Variants in CSMD2 observed in about 807,000 individuals in gnomAD.
CSMD2 encodes CUB and sushi domain-containing protein 2.
Under a neutral mutation model 398.5 loss-of-function variants are expected in CSMD2, and 130 were observed. The ratio of observed to expected loss-of-function variants is 0.33; its 90% CI spans 0.28 to 0.38. The LOEUF (loss-of-function observed/expected upper bound fraction) is 0.38, where lower values mean the gene tolerates loss of function less well. CSMD2 is among the 10% of genes least tolerant of loss of function. The probability of loss-of-function intolerance (pLI) is 1.00; values close to 1 mark genes in which losing one functional copy is unlikely to be tolerated. For synonymous variants in CSMD2, 1,828 were observed against 1,908.5 expected, an observed-to-expected ratio of 0.96 and a Z score of 1.10; for missense variants, 3,829 against 4,764.9, an observed-to-expected ratio of 0.80 and a Z score of 5.78.
intron 1 of CSMD2, among the ~76,000 whole-genome samples, chr1:34,138,305 A>C (rs1253624447): frequency 1.3e-5 from 2 of 152,218 alleles, no homozygotes; most frequent in African/African-American, 4.8e-5. Flanking sequence ...TTTGAATGAC[A>C]GATGTTTACC....
intron 4 of CSMD2, among the ~76,000 whole-genome samples, chr1:33,934,934 T>C (rs912331085): frequency 2.9e-5 from 4 of 140,164 alleles, no homozygotes; most frequent in African/African-American, 1.1e-4. Flanking sequence ...ATCCCAGGAG[T>C]TTGAGGCTGC....
intron 25 of CSMD2, among the ~76,000 whole-genome samples, chr1:33,687,196 T>A (rs1241738580): frequency 6.6e-6 from 1 of 152,036 alleles, no homozygotes; most frequent in East Asian, 1.9e-4. Context: ...ACATAAAGAA[T>A]CCAGCTGAAT....
At chr1:34,087,617 TAATA>T (rs1658040550) in intron 2 of CSMD2, among the ~76,000 whole-genome samples, 3 of 93,786 alleles carry the variant, frequency 3.2e-5, no homozygotes, top group Admixed American at 3.2e-4. Context: ...TAAAGTATAA[TAATA>T]ATAATAATAA....
At chr1:33,912,009 A>T (rs1643473381) in intron 5 of CSMD2, among the ~76,000 whole-genome samples, 1 of 152,164 alleles carries the variant, frequency 6.6e-6, no homozygotes, top group Non-Finnish European at 1.5e-5. Context: ...AATGGTATGC[A>T]TCCTTCTCGA....
At chr1:33,775,136 A>T (rs543544856) in intron 12 of CSMD2, among the ~76,000 whole-genome samples, 19 of 152,348 alleles carry the variant, frequency 1.2e-4, no homozygotes, top group African/African-American at 4.6e-4. Flanking sequence ...CTCAGTTATC[A>T]TGACAAATAA....
In CSMD2 at chr1:33,555,303, A is replaced by G. The variant is rs569381916; in HGVS notation, c.8743+2431T>C. On this transcript the variant is annotated intron_variant, in intron 55 of 70. Coordinates refer to ENST00000373381, the MANE Select transcript of CSMD2 (RefSeq NM_001281956.2). ...CTGAATTACTGAAATCTCATGACCA[A>G]TCTCAAACAGATGAGAAGCTGCTTC... Among the ~76,000 whole-genome samples the G allele has an allele frequency of 2.0e-5, 3 of 152,342 alleles. No individual in the cohort carries two copies. The East Asian group carries it at 5.8e-4, about 29-fold the overall frequency.
chr1:34,146,149 T>C (rs185125289), intron 1 of CSMD2, among the ~76,000 whole-genome samples: 21 of 152,146 alleles, frequency 1.4e-4, no homozygotes, highest in Non-Finnish European at 2.9e-4. Context: ...ATCTCCCACC[T>C]CAGCCTCCCG....
chr1:33,627,871 G>C (rs16835689), intron 32 of CSMD2, among the ~76,000 whole-genome samples: 1 of 152,232 alleles, frequency 6.6e-6, no homozygotes, highest in African/African-American at 2.4e-5. Flanking sequence ...TGTGGATAAC[G>C]ACCCTAGTGA....
chr1:34,034,494 T>C (rs1484531292), intron 2 of CSMD2, among the ~76,000 whole-genome samples: 1 of 152,156 alleles, frequency 6.6e-6, no homozygotes, highest in Non-Finnish European at 1.5e-5. Context: ...ACAGAGACTA[T>C]CTGCTTTAGA....
At chr1:33,815,904 AAGAAG>A (rs1382913842) in intron 9 of CSMD2, among the ~76,000 whole-genome samples, 2 of 152,186 alleles carry the variant, frequency 1.3e-5, no homozygotes, top group African/African-American at 2.4e-5. Flanking sequence ...GAAGAGAGGA[AAGAAG>A]AGAAGAGATC....
chr1:33,768,520 C>T (rs1029800944), intron 13 of CSMD2, among the ~76,000 whole-genome samples: 13 of 147,956 alleles, frequency 8.8e-5, no homozygotes, highest in Non-Finnish European at 8.9e-5. Flanking sequence ...CAATTCATCC[C>T]GGAATGTGTG....
At chr1:34,079,781 G>A (rs1245770771) in intron 2 of CSMD2, among the ~76,000 whole-genome samples, 2 of 151,954 alleles carry the variant, frequency 1.3e-5, no homozygotes, top group Non-Finnish European at 2.9e-5. Context: ...AGCACTAATA[G>A]AATAAAAATC....
chr1:33,613,400 G>C (rs1028008613), intron 40 of CSMD2, among the ~76,000 whole-genome samples: 3 of 152,176 alleles, frequency 2.0e-5, no homozygotes, highest in Non-Finnish European at 4.4e-5. Context: ...ATGTCTCAAA[G>C]TCTGGAGTCT....
chr1:33,896,713 C>A (rs1642408681), intron 5 of CSMD2, among the ~76,000 whole-genome samples: 2 of 152,092 alleles, frequency 1.3e-5, no homozygotes, highest in South Asian at 4.1e-4. Flanking sequence ...TGAGAAGGAG[C>A]AAACATGGGC....
intron 1 of CSMD2, among the ~76,000 whole-genome samples, chr1:34,150,182 A>G (rs989273116): frequency 4.0e-5 from 6 of 151,452 alleles, no homozygotes; most frequent in Non-Finnish European, 7.4e-5. Flanking sequence ...CCTGGGCTCA[A>G]GCAATCCTCT....
intron 3 of CSMD2, among the ~76,000 whole-genome samples, chr1:33,979,374 T>C (rs1388872590): frequency 7.2e-6 from 1 of 139,500 alleles, no homozygotes; most frequent in African/African-American, 2.4e-5. Context: ...TTTGAATTAA[T>C]GGGACAGAGA....
chr1:34,113,675 T>C (rs1418109605), intron 1 of CSMD2, among the ~76,000 whole-genome samples: 1 of 152,094 alleles, frequency 6.6e-6, no homozygotes, highest in Non-Finnish European at 1.5e-5. Context: ...CCCCAGACAT[T>C]CTGCCCCACA....
In CSMD2 at chr1:33,996,736, G is replaced by A. The variant is rs544380024; in HGVS notation, c.517+35858C>T. ...TATAGAAAACTGGAACCGATTCTAC[G>A]AAGCAGAAAAGAAAAAGGAAGGAAG... On this transcript the variant is annotated intron_variant, in intron 3 of 70. Transcript: ENST00000373381. 3.4e-5 allele frequency among the ~76,000 whole-genome samples: 5 copies of A among 149,052 alleles called. No individual in the cohort carries two copies. The East Asian group carries it at 6.1e-4, about 18-fold the overall frequency.
chr1:33,925,303 G>A (rs987515363), intron 4 of CSMD2, among the ~76,000 whole-genome samples: 25 of 152,110 alleles, frequency 1.6e-4, no homozygotes, highest in African/African-American at 5.3e-4. Context: ...TGAAGCAAGC[G>A]TCCTTCCCCT....
Sources: allele counts gnomAD v4.1 joint callset (sites outside exome capture counted in the v4.1 genomes callset), GRCh38; gene constraint gnomAD v4.1.1; transcripts MANE v1.5; gene names NCBI Gene and HGNC (gene_info 2026-07-23, HGNC 2026-07-21).